Variants in CNTN3 observed in about 807,000 individuals in gnomAD.
CNTN3 encodes the protein contactin 3.
A neutral mutation model predicts 119.1 loss-of-function variants in CNTN3; 60 were observed. The ratio of observed to expected loss-of-function variants is 0.50; its 90% CI spans 0.41 to 0.62. CNTN3 has a LOEUF of 0.62. Among genes scored for constraint, CNTN3 ranks in the 20% least tolerant of loss-of-function variants. CNTN3 has a pLI of 0.00. For missense variants in CNTN3, 1,101 were observed against 1,242.4 expected, an observed-to-expected ratio of 0.89 and a Z score of 1.71; for synonymous variants, 450 against 438.7, an observed-to-expected ratio of 1.03 and a Z score of -0.32.
At chr3:74,266,674 T>C (rs777216031) in intron 21 of CNTN3, 25 bp from the exon 22 acceptor site, 1 of 1,605,784 alleles carries the variant, frequency 6.2e-7, no homozygotes, top group South Asian at 1.1e-5. Flanking sequence ...CAAATACACT[T>C]ACTTGTTATA....
chr3:74,576,769 T>C (rs1441031230), intron 1 of CNTN3, among the ~76,000 whole-genome samples: 2 of 152,142 alleles, frequency 1.3e-5, no homozygotes, highest in African/African-American at 2.4e-5. Flanking sequence ...TAGGAAGTAT[T>C]CCTTCCTACA....
intron 11 of CNTN3, among the ~76,000 whole-genome samples, chr3:74,345,493 G>A (rs1703667641): frequency 6.6e-6 from 1 of 152,184 alleles, no homozygotes; most frequent in Admixed American, 6.5e-5. Flanking sequence ...GAGAAATGGT[G>A]AGAAATAATA....
chr3:74,337,390 G>A (rs1053281798), intron 11 of CNTN3, among the ~76,000 whole-genome samples: 1 of 152,110 alleles, frequency 6.6e-6, no homozygotes, highest in Non-Finnish European at 1.5e-5. Flanking sequence ...TAATATTCCA[G>A]TGAGTAGCAT....
At chr3:74,508,758 A>T (rs1703311479) in intron 2 of CNTN3, among the ~76,000 whole-genome samples, 1 of 152,178 alleles carries the variant, frequency 6.6e-6, no homozygotes, top group African/African-American at 2.4e-5. Context: ...TATCATCACA[A>T]CATCAATGGG....
At chr3:74,419,414 T>C (rs1389079052) in intron 5 of CNTN3, among the ~76,000 whole-genome samples, 2 of 151,878 alleles carry the variant, frequency 1.3e-5, no homozygotes, top group Non-Finnish European at 2.9e-5. Context: ...AAAATAAAGA[T>C]GCTGATACAG....
chr3:74,307,781 C>T (rs1702594966), intron 13 of CNTN3, among the ~76,000 whole-genome samples: 1 of 152,126 alleles, frequency 6.6e-6, no homozygotes, highest in African/African-American at 2.4e-5. Context: ...AAATATTGTA[C>T]AAACTTTCAG....
intron 1 of CNTN3, among the ~76,000 whole-genome samples, chr3:74,579,987 C>A (rs1444409302): frequency 6.6e-6 from 1 of 151,838 alleles, no homozygotes; most frequent in African/African-American, 2.4e-5. Context: ...AAGTCATTAC[C>A]AATACTGCTG....
At chr3:74,468,449 C>T (rs1010196476) in intron 4 of CNTN3, among the ~76,000 whole-genome samples, 3 of 152,020 alleles carry the variant, frequency 2.0e-5, no homozygotes, top group African/African-American at 7.2e-5. Context: ...ATGCTCAGTT[C>T]CCAGGCATAT....
intron 1 of CNTN3, among the ~76,000 whole-genome samples, chr3:74,608,799 A>C (rs1705033771): frequency 6.6e-6 from 1 of 152,210 alleles, no homozygotes; most frequent in South Asian, 2.1e-4. Context: ...CTCCATCAAT[A>C]GACTATCAGG....
intron 4 of CNTN3, among the ~76,000 whole-genome samples, chr3:74,465,596 T>C (rs895348149): frequency 6.6e-6 from 1 of 152,188 alleles, no homozygotes; most frequent in East Asian, 1.9e-4. Context: ...CCAGAAGTCA[T>C]TGTACACACA....
intron 1 of CNTN3, among the ~76,000 whole-genome samples, chr3:74,580,554 T>C (rs1246195855): frequency 6.6e-6 from 1 of 152,158 alleles, no homozygotes; most frequent in Non-Finnish European, 1.5e-5. Flanking sequence ...AAAAACGCAG[T>C]TGTCCCAGAA....
At chr3:74,408,282 G>A (rs567289869) in intron 5 of CNTN3, among the ~76,000 whole-genome samples, 2 of 152,138 alleles carry the variant, frequency 1.3e-5, no homozygotes, top group East Asian at 3.9e-4. Context: ...TCTAACTAAT[G>A]TTTAAAAAAA....
chr3:74,369,505 A>G, intron 7 of CNTN3, 132 bp from the exon 8 acceptor site: 1 of 568,884 alleles, frequency 1.8e-6, no homozygotes, highest in East Asian at 3.2e-5. Context: ...GGTCAATTAT[A>G]TAAACCTGAT....
At chr3:74,322,276 T>G (rs1010409723) in intron 13 of CNTN3, among the ~76,000 whole-genome samples, 4 of 151,138 alleles carry the variant, frequency 2.6e-5, no homozygotes, top group Non-Finnish European at 5.9e-5. Context: ...AGACAAAATA[T>G]AGAAAAATCT....
At chr3:74,557,780 T>C (rs1575828299) in intron 1 of CNTN3, among the ~76,000 whole-genome samples, 1 of 151,046 alleles carries the variant, frequency 6.6e-6, no homozygotes, top group African/African-American at 2.4e-5. Flanking sequence ...GGAATGAATA[T>C]TAAAAGACAG....
At chr3:74,450,431 C>T (rs1383029358) in intron 4 of CNTN3, among the ~76,000 whole-genome samples, 1 of 150,646 alleles carries the variant, frequency 6.6e-6, no homozygotes, top group Non-Finnish European at 1.5e-5. Context: ...CTCTGCAGTG[C>T]TATTTACAAA....
At chr3:74,498,087 C>T (rs945238458) in intron 3 of CNTN3, among the ~76,000 whole-genome samples, 23 of 151,708 alleles carry the variant, frequency 1.5e-4, no homozygotes, top group African/African-American at 5.1e-4. Context: ...CCAAATTATT[C>T]GTAAGATAAA....
intron 1 of CNTN3, among the ~76,000 whole-genome samples, chr3:74,613,960 T>C (rs1371216671): frequency 6.6e-6 from 1 of 152,186 alleles, no homozygotes; most frequent in African/African-American, 2.4e-5. Context: ...CCTAGCTTTC[T>C]CAGACCTGGG....
chr3:74,516,642 G>T (rs1475720595), intron 2 of CNTN3, among the ~76,000 whole-genome samples: 1 of 150,600 alleles, frequency 6.6e-6, no homozygotes, highest in South Asian at 2.1e-4. Flanking sequence ...TACTTGGGGG[G>T]ATGGTCAACA....
Sources: gnomAD v4.1 joint callset for allele counts (sites outside exome capture counted in the v4.1 genomes callset) on GRCh38, gnomAD v4.1.1 for gene constraint, MANE v1.5 for transcripts, NCBI Gene and HGNC (gene_info 2026-07-23, HGNC 2026-07-21) for gene names.